The following PCBP3 variants were observed in gnomAD, a reference collection of about 807,000 sequenced individuals.
PCBP3 encodes the protein poly(rC)-binding protein 3.
In PCBP3, 25 loss-of-function variants were observed where a neutral mutation model predicts 52.7. The observed-to-expected ratio is 0.47, with a 90% CI of 0.35 to 0.66. The LOEUF is 0.66. PCBP3 is among the 30% of genes least tolerant of loss of function. The pLI is 0.01. For missense variants in PCBP3, 391 were observed against 490.3 expected (o/e 0.80, Z 1.91); for synonymous variants, 162 against 183.0 (o/e 0.89, Z 0.93).
Position 45,788,719 on chromosome 21 carries a change from AT to A in PCBP3, c.-126+33268del, listed in dbSNP as rs1360871861. On this transcript the variant is annotated intron_variant, in intron 4 of 17. Transcript: ENST00000681687. This position sits in a 1 kb window ranked among gnomAD's most constrained non-coding sequence, Gnocchi z 4.3. ...GGCCTCTCAGATGCTGACCTGCTTCATGTCTATTTCCTTTTACAGGGTAATT... is the reference window on the plus strand; with the variant it reads ...GGCCTCTCAGATGCTGACCTGCTTCAGTCTATTTCCTTTTACAGGGTAATT... The A allele has an allele frequency of 6.6e-6, 1 of 152,154 alleles. No homozygotes were observed. 9.4% of individuals were successfully genotyped at this position (152,154 alleles called of 1,614,324 possible).
chr21:45,922,068 A>G (rs2149388496), intron 13 of PCBP3, among the ~76,000 whole-genome samples: 1 of 152,284 alleles, frequency 6.6e-6, no homozygotes, highest in East Asian at 1.9e-4. Context: ...TGCCTGGGTC[A>G]GACCAAGTGC....
chr21:45,835,364 T>C (rs1399147039), intron 4 of PCBP3, among the ~76,000 whole-genome samples: 2 of 151,860 alleles, frequency 1.3e-5, no homozygotes, highest in East Asian at 3.9e-4. Context: ...CAGAGAGGAG[T>C]CTGGTGCTCC....
intron 4 of PCBP3, among the ~76,000 whole-genome samples, chr21:45,799,866 C>T (rs1013513308): frequency 6.6e-6 from 1 of 152,222 alleles, no homozygotes; most frequent in Non-Finnish European, 1.5e-5. Flanking sequence ...TGAGAACAAG[C>T]AGCCTCTTGA....
chr21:45,689,646 T>C (rs1290280867), intron 2 of PCBP3, among the ~76,000 whole-genome samples: 1 of 152,026 alleles, frequency 6.6e-6, no homozygotes, highest in East Asian at 1.9e-4. Flanking sequence ...GATCAGATCA[T>C]AGAGAAAAGG....
intron 4 of PCBP3, among the ~76,000 whole-genome samples, chr21:45,842,184 A>G (rs573817788): frequency 3.3e-5 from 5 of 152,306 alleles, no homozygotes; most frequent in Admixed American, 3.3e-4. Context: ...TTAAATTTCC[A>G]GTGAACTCCT....
chr21:45,882,408 C>G (rs2095425177), intron 5 of PCBP3, among the ~76,000 whole-genome samples: 1 of 151,946 alleles, frequency 6.6e-6, no homozygotes, highest in Non-Finnish European at 1.5e-5. Flanking sequence ...GTTTGAGTTC[C>G]TTACACATTT....
At chr21:45,648,313 T>A (rs1032810393) in intron 1 of PCBP3, among the ~76,000 whole-genome samples, 1 of 152,192 alleles carries the variant, frequency 6.6e-6, no homozygotes, top group African/African-American at 2.4e-5. Context: ...ATGATTAGAT[T>A]GGTTTTAGAA....
chr21:45,706,756 A>T (rs1157781430), intron 2 of PCBP3, among the ~76,000 whole-genome samples: 1 of 152,214 alleles, frequency 6.6e-6, no homozygotes, highest in Non-Finnish European at 1.5e-5. Flanking sequence ...ACTTAGGGTG[A>T]GCACGCTGCC....
At chr21:45,911,206 G>T (rs1273755734) in intron 11 of PCBP3, 176 bp downstream of exon 11, 9 of 722,108 alleles carry the variant, frequency 1.2e-5, no homozygotes, top group East Asian at 1.1e-4. Flanking sequence ...CGCCACAGGG[G>T]TGCTGGGGCT....
chr21:45,659,609 C>T (rs1333344669), intron 1 of PCBP3, among the ~76,000 whole-genome samples: 1 of 152,106 alleles, frequency 6.6e-6, no homozygotes, highest in African/African-American at 2.4e-5. Flanking sequence ...CTATGGCCTC[C>T]CAAAGTGCTG....
At chr21:45,861,323 C>G (rs1383695815) in intron 5 of PCBP3, among the ~76,000 whole-genome samples, 1 of 152,196 alleles carries the variant, frequency 6.6e-6, no homozygotes, top group Non-Finnish European at 1.5e-5. Flanking sequence ...CCTGCCTGTT[C>G]TGCTTTGCCT....
chr21:45,928,301 A>G lies in PCBP3; in HGVS notation c.718-1616A>G, dbSNP rs1268021419. Among the ~76,000 whole-genome samples the G allele has an allele frequency of 1.3e-5, 2 of 152,118 alleles. No individual in the cohort carries two copies. The highest frequency in any genetic ancestry group is 1.3e-4 in the Admixed American group (2 of 15,284). On this transcript the variant is annotated intron_variant, in intron 13 of 17. Coordinates refer to ENST00000681687, the MANE Select transcript of PCBP3 (RefSeq NM_001384156.1). This position sits in a 1 kb window ranked among gnomAD's most constrained non-coding sequence, Gnocchi z 4.1. ...AACCCGGCACACCCGTTCACGTTACATCATGGGGCAGCGCAGATGCCACAA... is the reference window on the plus strand; with the variant it reads ...AACCCGGCACACCCGTTCACGTTACGTCATGGGGCAGCGCAGATGCCACAA...
intron 5 of PCBP3, among the ~76,000 whole-genome samples, chr21:45,884,533 A>G (rs1018103370): frequency 3.3e-5 from 5 of 152,124 alleles, no homozygotes; most frequent in Admixed American, 2.6e-4. Flanking sequence ...ATGCATGCAC[A>G]TCTAAATATA....
intron 2 of PCBP3, among the ~76,000 whole-genome samples, chr21:45,682,258 C>G (rs2081899367): frequency 6.6e-6 from 1 of 152,184 alleles, no homozygotes; most frequent in Non-Finnish European, 1.5e-5. Context: ...AATTCACTAT[C>G]ATGTCATTCC....
intron 2 of PCBP3, among the ~76,000 whole-genome samples, chr21:45,721,801 G>A (rs1311435998): frequency 1.3e-5 from 2 of 152,146 alleles, no homozygotes; most frequent in Non-Finnish European, 2.9e-5. Flanking sequence ...AAATGTATGT[G>A]CATTGTTCTT....
chr21:45,923,108 C>T (rs9978439), intron 13 of PCBP3, among the ~76,000 whole-genome samples: 20,942 of 152,234 alleles, frequency 0.14, 2,161 homozygotes, highest in African/African-American at 0.3. Context: ...GAAGGGCACG[C>T]GTGGGCTCTT....
At chr21:45,932,093 AAATG>A (rs1259493542) in intron 15 of PCBP3, among the ~76,000 whole-genome samples, 2 of 152,036 alleles carry the variant, frequency 1.3e-5, no homozygotes, top group Non-Finnish European at 2.9e-5. Context: ...TGCCATCCTG[AAATG>A]AATGAACACA....
Position 45,810,272 on chromosome 21 carries a change from C to T in PCBP3, c.-125-39689C>T, listed in dbSNP as rs1031889096. Among the ~76,000 whole-genome samples, 10 of 148,688 alleles carry T rather than the reference C, an allele frequency of 6.7e-5. No homozygotes were observed. The East Asian group carries it at 1.6e-3, about 23-fold the overall frequency. ...AGAGAGTGTGTGTGACAGAGTCTCG[C>T]TCTGTGGCCCAGGCTGGAGTGCAGT... On this transcript the variant is annotated intron_variant, in intron 4 of 17. Transcript: ENST00000681687.
At chr21:45,744,379 G>A (rs1433933344) in intron 3 of PCBP3, 1 of 151,852 alleles carries the variant, frequency 6.6e-6, no homozygotes, top group Non-Finnish European at 1.5e-5. Context: ...AATTTTTTTA[G>A]GCACTGGGGT....
Sources: allele counts gnomAD v4.1 joint callset (sites outside exome capture counted in the v4.1 genomes callset), GRCh38; gene constraint gnomAD v4.1.1; non-coding constraint Gnocchi (gnomAD v3.1); transcripts MANE v1.5; gene names NCBI Gene and HGNC (gene_info 2026-07-23, HGNC 2026-07-21).